CRYBA1: variants seen among roughly 807,000 people sequenced by gnomAD.
CRYBA1 encodes crystallin beta A1.
Under a neutral mutation model 36.2 loss-of-function variants are expected in CRYBA1, and 25 were observed. The observed-to-expected ratio is 0.69, with a 90% confidence interval of 0.50 to 0.97. The LOEUF (loss-of-function observed/expected upper bound fraction) is 0.97, where lower values mean the gene tolerates loss of function less well. CRYBA1 is among the 50% of genes least tolerant of loss of function. The probability of loss-of-function intolerance (pLI) is 0.00; values close to 1 mark genes in which losing one functional copy is unlikely to be tolerated. For synonymous variants in CRYBA1, 111 were observed against 90.0 expected, an observed-to-expected ratio of 1.23 and a Z score of -1.32; for missense variants, 224 against 276.3, an observed-to-expected ratio of 0.81 and a Z score of 1.34.
intron 2 of CRYBA1, among the ~76,000 whole-genome samples, chr17:29,249,748 AG>A (rs568200296): frequency 6.1e-4 from 93 of 152,334 alleles, no homozygotes; most frequent in African/African-American, 1.9e-3. Flanking sequence ...ATGTACAAAA[AG>A]GGTTGACCAT....
chr17:29,247,260 G>A (rs2068906382), intron 1 of CRYBA1, among the ~76,000 whole-genome samples: 1 of 152,198 alleles, frequency 6.6e-6, no homozygotes, highest in Non-Finnish European at 1.5e-5. Flanking sequence ...GGAGGGCCAT[G>A]AATATCTGTC....
intron 1 of CRYBA1, among the ~76,000 whole-genome samples, chr17:29,247,759 G>C (rs1246235479): frequency 6.6e-6 from 1 of 152,236 alleles, no homozygotes; most frequent in Non-Finnish European, 1.5e-5. Context: ...CTGTGGGCTG[G>C]AGAAGGCAGG....
At position 29,253,668 on chromosome 17, in the gene CRYBA1, T is replaced by C. The variant is rs754089103; in HGVS notation, c.386T>C (p.Phe129Ser). Residue 129 changes from phenylalanine (F) to serine (S), a missense_variant, in exon 5 of 6, where the codon TTT becomes TCT. Phe to Ser is a radical substitution (Grantham distance 155). Coordinates refer to ENST00000225387, the MANE Select transcript of CRYBA1 (RefSeq NM_005208.5). ...CATAAGGAGTCTAAGATGACCATCT[T>C]TGAGAAGGAAAACTTTATTGGACGC... ...ANHKESKMTI[F>S]EKENFIGRQW... 28 of 1,613,962 alleles carry C rather than the reference T, an allele frequency of 1.7e-5. No homozygotes were observed. Among genetic ancestry groups the C allele is most frequent in the Non-Finnish European group, 2.3e-5 (27 of 1,179,842 alleles).
At chr17:29,247,628 G>A (rs1227840975) in intron 1 of CRYBA1, among the ~76,000 whole-genome samples, 3 of 152,162 alleles carry the variant, frequency 2.0e-5, no homozygotes, top group African/African-American at 2.4e-5. Context: ...TGCTCAGCAC[G>A]ATGCTATACC....
chr17:29,249,080 C>G, intron 1 of CRYBA1, 62 bp from the exon 2 acceptor site: 4 of 1,058,548 alleles, frequency 3.8e-6, no homozygotes, highest in Non-Finnish European at 5.9e-6. Flanking sequence ...CCTTTCAAGG[C>G]ATTCCCTCAC....
Position 29,253,712 on chromosome 17 carries a change from G to T in CRYBA1, c.430G>T (p.Asp144Tyr). The T allele has an allele frequency of 6.2e-7, 1 of 1,614,070 alleles. No homozygotes were observed. Among genetic ancestry groups the T allele is most frequent in the Non-Finnish European group, 8.5e-7 (1 of 1,179,996 alleles). Reference protein sequence around the residue: ...FIGRQWEISDDYPSLQAMGWF... With the variant: ...FIGRQWEISDYYPSLQAMGWF... ...TGGACGCCAGTGGGAGATCTCTGAC[G>T]ACTACCCCTCCTTGCAAGCCATGGG... The change falls in exon 5 of 6, where the codon GAC becomes TAC. Residue 144 changes from aspartate to tyrosine, a missense_variant. Transcript: ENST00000225387.
Position 29,246,899 on chromosome 17 carries a change from G to C in CRYBA1, c.31+5G>C. 6.2e-7 allele frequency: 1 copy of C among 1,610,694 alleles called. No individual in the cohort carries two copies. The highest frequency in any genetic ancestry group is 8.5e-7 in the Non-Finnish European group (1 of 1,178,848). ...AGGCTGAGCAGCAGGAGCTGGGTGA[G>C]TAAGGCCCTCAGGGTGCCCTTGCCC... is the stretch of plus-strand genomic sequence containing the variant. On this transcript the variant is annotated splice_donor_5th_base_variant and intron_variant, in intron 1 of 5. Coordinates refer to ENST00000225387, the MANE Select transcript of CRYBA1 (RefSeq NM_005208.5).
rs949688901 is a variant in CRYBA1 at position 29,252,097 on chromosome 17, G to C, written c.249G>C (p.Gly83=). The C allele has an allele frequency of 9.3e-6, 15 of 1,614,034 alleles. No homozygotes were observed. Among genetic ancestry groups the C allele is most frequent in the Admixed American group, 5.0e-5 (3 of 59,986 alleles). ...GTTATGAGCATACCAGCTTCTGTGG[G>C]CAACAGTTTATCCTGGAGAGAGGAG... ...WIGYEHTSFC[G]QQFILERGEY... Residue 83 remains glycine, a synonymous_variant, in exon 4 of 6, where the codon GGG becomes GGC. Coordinates refer to ENST00000225387, the MANE Select transcript of CRYBA1 (RefSeq NM_005208.5).
intron 3 of CRYBA1, among the ~76,000 whole-genome samples, chr17:29,251,603 C>T (rs2153009585): frequency 6.6e-6 from 1 of 152,230 alleles, no homozygotes; most frequent in South Asian, 2.1e-4. Context: ...ACCCTCAGCC[C>T]CCTGAATAGC....
intron 5 of CRYBA1, 42 bp downstream of exon 5, chr17:29,253,824 CCT>C (rs1364498110): frequency 6.2e-7 from 1 of 1,607,636 alleles, no homozygotes; most frequent in African/African-American, 1.3e-5. Flanking sequence ...CAAAGTAACT[CCT>C]GAGGTTGCAT....
intron 1 of CRYBA1, 34 bp from the exon 2 acceptor site, chr17:29,249,108 A>G: frequency 6.9e-7 from 1 of 1,457,082 alleles, no homozygotes; most frequent in Non-Finnish European, 9.6e-7. Flanking sequence ...TCCTCCCAAG[A>G]GGCCACATCA....
chr17:29,250,088 G>T (rs1293368087), intron 2 of CRYBA1, 94 bp from the exon 3 acceptor site: 1 of 802,958 alleles, frequency 1.2e-6, no homozygotes, highest in Non-Finnish European at 2.3e-6. Flanking sequence ...GCTGGTAACA[G>T]AAAGCACAGA....
intron 3 of CRYBA1, 95 bp from the exon 4 acceptor site, chr17:29,251,969 A>G: frequency 6.6e-7 from 1 of 1,504,408 alleles, no homozygotes; most frequent in Non-Finnish European, 9.3e-7. Context: ...TTGATATTTT[A>G]CCCCACTATT....
chr17:29,249,746 A>G (rs929639210), intron 2 of CRYBA1, among the ~76,000 whole-genome samples: 9 of 152,186 alleles, frequency 5.9e-5, no homozygotes, highest in African/African-American at 2.2e-4. Flanking sequence ...CAATGTACAA[A>G]AAGGGTTGAC....
intron 3 of CRYBA1, among the ~76,000 whole-genome samples, chr17:29,251,562 G>C (rs1363425923): frequency 6.6e-6 from 1 of 151,870 alleles, no homozygotes; most frequent in African/African-American, 2.4e-5. Context: ...GCACAATCAT[G>C]GCTCACTGCA....
At chr17:29,248,078 T>C (rs2068911557) in intron 1 of CRYBA1, among the ~76,000 whole-genome samples, 1 of 150,418 alleles carries the variant, frequency 6.6e-6, no homozygotes, top group South Asian at 2.1e-4. Context: ...ATTGCGCCAT[T>C]GCACTCCAGC....
At position 29,253,782 on chromosome 17, in the gene CRYBA1, C is replaced by T. The variant is rs769366952; in HGVS notation, c.500C>T (p.Ala167Val). Residue 167 changes from alanine (A) to valine (V), a missense_variant and splice_region_variant, in exon 5 of 6, where the codon GCC becomes GTC. Physicochemically the swap from Ala to Val is moderately conservative, Grantham distance 64. Coordinates refer to ENST00000225387, the MANE Select transcript of CRYBA1 (RefSeq NM_005208.5). ...EVGSMKIQSGAWVCYQYPGYR... is the reference protein window; with the variant it reads ...EVGSMKIQSGVWVCYQYPGYR... ...GGCTCCATGAAGATACAAAGTGGGG[C>T]GTAAGTACAAAAACAGGGTTGGAAT... 5.0e-6 allele frequency: 8 copies of T among 1,614,096 alleles called. No homozygotes were observed. Among genetic ancestry groups the T allele is most frequent in the South Asian group, 2.2e-5 (2 of 91,070 alleles).
chr17:29,254,249 T>C lies in CRYBA1; in HGVS notation c.548T>C (p.Leu183Ser), dbSNP rs773038726. Residue 183 changes from leucine to serine, a missense_variant, in exon 6 of 6, where the codon TTG becomes TCG. Transcript: ENST00000225387. Reference protein sequence around the residue: ...YPGYRGYQYILECDHHGGDYK... With the variant: ...YPGYRGYQYISECDHHGGDYK... ...GGATATCGTGGGTATCAGTATATCT[T>C]GGAATGTGACCATCATGGAGGAGAC... is the stretch of plus-strand genomic sequence containing the variant. 5.6e-6 allele frequency: 9 copies of C among 1,614,222 alleles called. No homozygotes were observed. In the East Asian group the frequency reaches 1.1e-4, roughly 20 times the overall value.
At position 29,250,151 on chromosome 17, in the gene CRYBA1, A is replaced by C. The variant is rs769413711; in HGVS notation, c.97-31A>C. 3.3e-6 allele frequency: 4 copies of C among 1,207,168 alleles called. No individual in the cohort carries two copies. In the Admixed American group the frequency reaches 5.0e-5, roughly 15 times the overall value. The allele number at this position is 1,207,168 out of a possible 1,614,324, so 74.8% of individuals were successfully genotyped here. On this transcript the variant is annotated intron_variant, in intron 2 of 5. Coordinates refer to ENST00000225387, the MANE Select transcript of CRYBA1 (RefSeq NM_005208.5). ...GGACCTCTGTTTTTCCTGATGTTCT[A>C]GCTCTCTTGCGCCATTCAATCTCAT...
Sources: allele counts gnomAD v4.1 joint callset (sites outside exome capture counted in the v4.1 genomes callset), GRCh38; gene constraint gnomAD v4.1.1; transcripts MANE v1.5; gene names NCBI Gene and HGNC (gene_info 2026-07-23, HGNC 2026-07-21).